Variants in PDGFC observed in about 807,000 individuals in gnomAD.
The protein encoded by PDGFC is platelet derived growth factor C.
A neutral mutation model predicts 35.5 loss-of-function variants in PDGFC; 12 were observed. That is an observed-to-expected ratio of 0.34 (90% CI 0.22 to 0.55). PDGFC has a LOEUF of 0.55. PDGFC is among the 20% of genes least tolerant of loss of function. The probability of loss-of-function intolerance (pLI) is 0.91; values close to 1 mark genes in which losing one functional copy is unlikely to be tolerated. For missense variants in PDGFC, 322 were observed against 412.4 expected, an observed-to-expected ratio of 0.78 and a Z score of 1.90; for synonymous variants, 159 against 148.8, an observed-to-expected ratio of 1.07 and a Z score of -0.50.
At chr4:156,851,562 C>A (rs548504062) in intron 1 of PDGFC, among the ~76,000 whole-genome samples, 1 of 152,072 alleles carries the variant, frequency 6.6e-6, no homozygotes, top group Admixed American at 6.5e-5. Flanking sequence ...TGAGACGAAA[C>A]CCACAATTGA....
intron 2 of PDGFC, among the ~76,000 whole-genome samples, chr4:156,830,957 C>T (rs1228179364): frequency 1.3e-5 from 2 of 152,152 alleles, no homozygotes; most frequent in Non-Finnish European, 2.9e-5. Flanking sequence ...CTACCACACC[C>T]ATGACTATTT....
At chr4:156,916,275 T>C (rs1251938166) in intron 1 of PDGFC, among the ~76,000 whole-genome samples, 2 of 152,168 alleles carry the variant, frequency 1.3e-5, no homozygotes, top group African/African-American at 4.8e-5. Flanking sequence ...ATGCAAGCCA[T>C]CACAGCCACT....
intron 3 of PDGFC, chr4:156,779,255 G>C (rs1423923862): frequency 2.3e-6 from 1 of 442,740 alleles, no homozygotes. Flanking sequence ...AAGTTATCTG[G>C]GTCATGTTTT....
chr4:156,970,953 C>A lies in PDGFC; in HGVS notation c.-50G>T, dbSNP rs1303189115. ...CTCACGGCGGGCACTTTGGAAGCAGCGACTCCCGAGTCTCTTTCACCACCG... is the reference window on the plus strand; with the variant it reads ...CTCACGGCGGGCACTTTGGAAGCAGAGACTCCCGAGTCTCTTTCACCACCG... On this transcript the variant is annotated 5_prime_UTR_variant, in exon 1 of 6. Coordinates refer to ENST00000502773, the MANE Select transcript of PDGFC (RefSeq NM_016205.3). The A allele has an allele frequency of 8.2e-7, 1 of 1,216,824 alleles. No individual in the cohort carries two copies. The highest frequency in any genetic ancestry group is 1.2e-6 in the Non-Finnish European group (1 of 826,394). The allele number at this position is 1,216,824 out of a possible 1,614,324, so 75.4% of individuals were successfully genotyped here. A position where few individuals can be genotyped will look rare whatever the true frequency, so the allele number is the denominator to read the frequency against.
chr4:156,943,709 G>C, intron 1 of PDGFC, among the ~76,000 whole-genome samples: 1 of 152,038 alleles, frequency 6.6e-6, no homozygotes. Flanking sequence ...CTATTAAGCA[G>C]ACCAAGCATG....
intron 1 of PDGFC, among the ~76,000 whole-genome samples, chr4:156,910,192 T>A (rs1731006909): frequency 6.6e-6 from 1 of 152,260 alleles, no homozygotes. Flanking sequence ...AAAACAATTA[T>A]ATTTTGTGGT....
rs543156486 is a variant in PDGFC, at chr4:156,819,727, C to A, written c.315-8710G>T. Among the ~76,000 whole-genome samples, 9 of 152,196 alleles carry A rather than the reference C, an allele frequency of 5.9e-5. No homozygotes were observed. In the South Asian group the frequency reaches 1.0e-3, roughly 18 times the overall value. On this transcript the variant is annotated intron_variant, in intron 2 of 5. Coordinates refer to ENST00000502773, the MANE Select transcript of PDGFC (RefSeq NM_016205.3). ...AATATCTATTCTGCAGTCCATGGGC[C>A]AAGGAGTAATTCTGAGTTTTAAGTC...
intron 2 of PDGFC, among the ~76,000 whole-genome samples, chr4:156,819,652 A>T (rs755593663): frequency 1.3e-5 from 2 of 152,254 alleles, no homozygotes; most frequent in Admixed American, 6.5e-5. Context: ...AGATGTACGT[A>T]TAAGGAGATT....
intron 1 of PDGFC, among the ~76,000 whole-genome samples, chr4:156,865,914 G>A (rs1055876114): frequency 3.3e-5 from 5 of 151,972 alleles, no homozygotes; most frequent in Non-Finnish European, 5.9e-5. Context: ...ATAGTGCTTC[G>A]TTTAACAAAA....
rs147081157 is a variant in PDGFC, at chr4:156,937,038, A to C, written c.118+33748T>G. ...TGAACATGTCAAACTTGAAGCACTAAGGGAACATCCACGTAGACAGCACTG... is the reference window on the plus strand; with the variant it reads ...TGAACATGTCAAACTTGAAGCACTACGGGAACATCCACGTAGACAGCACTG... On this transcript the variant is annotated intron_variant, in intron 1 of 5. Transcript: ENST00000502773. 5.9e-5 allele frequency among the ~76,000 whole-genome samples: 9 copies of C among 152,340 alleles called. No homozygotes were observed. The East Asian group carries it at 1.7e-3, about 29-fold the overall frequency.
chr4:156,825,593 T>TAATAATAATAAGAAGAAGAAGAAG (rs1267062505), intron 2 of PDGFC, among the ~76,000 whole-genome samples: 2 of 62,186 alleles, frequency 3.2e-5, no homozygotes, highest in Non-Finnish European at 5.6e-5. Flanking sequence ...ATAATAATAA[T>TAATAATAATAAGAAGAAGAAGAAG]AAGAAGAAGA....
At chr4:156,902,330 T>C (rs186534108) in intron 1 of PDGFC, among the ~76,000 whole-genome samples, 63 of 152,334 alleles carry the variant, frequency 4.1e-4, no homozygotes, top group Non-Finnish European at 6.6e-4. Context: ...CTGTCAAATT[T>C]GCTTCAGAAT....
At chr4:156,902,114 A>G (rs1052109729) in intron 1 of PDGFC, among the ~76,000 whole-genome samples, 1 of 152,190 alleles carries the variant, frequency 6.6e-6, no homozygotes, top group Admixed American at 6.5e-5. Context: ...GGAAATCCAA[A>G]AACCTAGCAG....
At chr4:156,928,072 T>G (rs1219834880) in intron 1 of PDGFC, among the ~76,000 whole-genome samples, 1 of 152,114 alleles carries the variant, frequency 6.6e-6, no homozygotes, top group East Asian at 1.9e-4. Context: ...TCAGATTTCA[T>G]GAGACTTATT....
rs936323720 is a variant in PDGFC at position 156,868,930 on chromosome 4, C to T, written c.119-18514G>A. On this transcript the variant is annotated intron_variant, in intron 1 of 5. Transcript: ENST00000502773. The stretch of plus-strand genomic sequence containing the variant: ...TAGCTCAGAACTCTTTTTCAAACCA[C>T]AAAATCACATTCCAAAATGTTCCAA... Among the ~76,000 whole-genome samples the T allele has an allele frequency of 3.3e-5, 5 of 152,176 alleles. No individual in the cohort carries two copies. The East Asian group carries it at 7.7e-4, about 23-fold the overall frequency.
At chr4:156,867,289 C>T (rs1356522882) in intron 1 of PDGFC, among the ~76,000 whole-genome samples, 7 of 152,158 alleles carry the variant, frequency 4.6e-5, no homozygotes, top group Non-Finnish European at 1.0e-4. Context: ...CAACCTGCAG[C>T]CAGCCTGCTG....
At chr4:156,812,899 C>A (rs1452734655) in intron 2 of PDGFC, among the ~76,000 whole-genome samples, 1 of 152,032 alleles carries the variant, frequency 6.6e-6, no homozygotes, top group African/African-American at 2.4e-5. Flanking sequence ...TTTAACATAA[C>A]CTTGGAAGCT....
At chr4:156,778,257 G>A (rs562484731) in intron 3 of PDGFC, 6 of 351,950 alleles carry the variant, frequency 1.7e-5, no homozygotes, top group African/African-American at 8.4e-5. Flanking sequence ...TTGCCAAAAC[G>A]AGAATCTGCT....
chr4:156,934,214 T>C (rs1444517172), intron 1 of PDGFC, among the ~76,000 whole-genome samples: 5 of 152,218 alleles, frequency 3.3e-5, no homozygotes, highest in African/African-American at 9.6e-5. Flanking sequence ...CTAAATGGTA[T>C]GGCCTATTGC....
Sources: gnomAD v4.1 joint callset for allele counts (sites outside exome capture counted in the v4.1 genomes callset) on GRCh38, gnomAD v4.1.1 for gene constraint, MANE v1.5 for transcripts, NCBI Gene and HGNC (gene_info 2026-07-23, HGNC 2026-07-21) for gene names.